CHRNA9: variants seen among roughly 807,000 people sequenced by gnomAD.
The protein encoded by CHRNA9 is cholinergic receptor nicotinic alpha 9 subunit, also known as neuronal acetylcholine receptor subunit alpha-9.
A neutral mutation model predicts 36.8 loss-of-function variants in CHRNA9; 24 were observed. The ratio of observed to expected loss-of-function variants is 0.65; its 90% CI spans 0.47 to 0.92. CHRNA9 has a LOEUF of 0.92. CHRNA9 is among the 40% of genes least tolerant of loss of function. The pLI is 0.00. For synonymous variants in CHRNA9, 231 were observed against 231.8 expected, an observed-to-expected ratio of 1.00 and a Z score of 0.03; for missense variants, 610 against 601.2, an observed-to-expected ratio of 1.01 and a Z score of -0.15.
At position 40,354,188 on chromosome 4, in the gene CHRNA9, C is replaced by T. The variant is rs915277618; in HGVS notation, c.1108C>T (p.Leu370Phe). 3.7e-6 allele frequency: 6 copies of T among 1,614,196 alleles called. No homozygotes were observed. The highest frequency in any genetic ancestry group is 4.2e-6 in the Non-Finnish European group (5 of 1,180,036). Reference sequence around the variant, plus strand: ...GCACCACAGTAGAGAGCGGGACCACCTCACGAAAGTTTATAGCAAACTCCC... The same window carrying T: ...GCACCACAGTAGAGAGCGGGACCACTTCACGAAAGTTTATAGCAAACTCCC... ...SPHHSRERDH[L>F]TKVYSKLPES... The change falls in exon 5 of 5, where the codon CTC becomes TTC. Residue 370 changes from leucine to phenylalanine, a missense_variant. Physicochemically the swap from Leu to Phe is conservative, Grantham distance 22. Transcript: ENST00000310169.
chr4:40,354,670 A>C lies in CHRNA9; in HGVS notation c.*150A>C. The C allele has an allele frequency of 1.4e-6, 1 of 699,530 alleles. No homozygotes were observed. The allele number at this position is 699,530 out of a possible 1,614,324, so 43.3% of individuals were successfully genotyped here. A position where few individuals can be genotyped will look rare whatever the true frequency, so the allele number is the denominator to read the frequency against. ...TTAGCTTCAAATGAATGTCGAAGCT[A>C]TCTGCTCTGTTAAATTAAGCAGAAG... On this transcript the variant is annotated 3_prime_UTR_variant, in exon 5 of 5. Transcript: ENST00000310169.
At chr4:40,352,403 T>A (rs1330957744) in intron 4 of CHRNA9, among the ~76,000 whole-genome samples, 1 of 152,112 alleles carries the variant, frequency 6.6e-6, no homozygotes, top group East Asian at 1.9e-4. Flanking sequence ...TTTTATATTT[T>A]TAGTAGAGAC....
At chr4:40,336,343 C>T (rs931676028) in intron 2 of CHRNA9, among the ~76,000 whole-genome samples, 5 of 152,124 alleles carry the variant, frequency 3.3e-5, no homozygotes, top group South Asian at 2.1e-4. Context: ...TTAATGATTA[C>T]GGCGTTTCTT....
At position 40,354,315 on chromosome 4, in the gene CHRNA9, A is replaced by G; in HGVS notation, c.1235A>G (p.Gln412Arg). The G allele has an allele frequency of 6.2e-7, 1 of 1,614,148 alleles. No homozygotes were observed. The highest frequency in any genetic ancestry group is 8.5e-7 in the Non-Finnish European group (1 of 1,179,978). Reference sequence around the variant, plus strand: ...CTGGGCTGCCAGGGTAAGAACCCTCAGGAGGCCGAGAGTTACTGTGCACAG... The same window carrying G: ...CTGGGCTGCCAGGGTAAGAACCCTCGGGAGGCCGAGAGTTACTGTGCACAG... ...NDLGCQGKNPQEAESYCAQYK... is the reference protein window; with the variant it reads ...NDLGCQGKNPREAESYCAQYK... The change falls in exon 5 of 5, where the codon CAG becomes CGG. Residue 412 changes from glutamine (Q) to arginine (R), a missense_variant. By Grantham distance (43) the Gln-to-Arg change is conservative. Transcript: ENST00000310169.
rs376664779 is a variant in CHRNA9, at chr4:40,337,359, T to G, written c.360T>G (p.Tyr120Ter). ...DLVWRPDIVL[Y>*]NKADDESSEP... ...TGTGGAGGCCAGACATCGTCTTATATAACAAGTAAGTGCAGCTCAGAACTG... is the reference window on the plus strand; with the variant it reads ...TGTGGAGGCCAGACATCGTCTTATAGAACAAGTAAGTGCAGCTCAGAACTG... The change falls in exon 3 of 5, where the codon TAT (tyrosine) becomes TAG (stop). Residue 120 changes from tyrosine (Y) to a stop codon, truncating the protein, a stop_gained. Coordinates refer to ENST00000310169, the MANE Select transcript of CHRNA9 (RefSeq NM_017581.4). LOFTEE classifies it high-confidence loss of function. 1 of 1,614,104 alleles carries G rather than the reference T, an allele frequency of 6.2e-7. No individual in the cohort carries two copies. Among genetic ancestry groups the G allele is most frequent in the Non-Finnish European group, 8.5e-7 (1 of 1,179,916 alleles).
At position 40,340,522 on chromosome 4, in the gene CHRNA9, T is replaced by G. The variant is rs186356713; in HGVS notation, c.365+3158T>G. Reference sequence around the variant, plus strand: ...TGGCTATTTCCCTGAGCTCAGTCCTTCTTGCTGAATCCCTGACTCTGTAGA... The same window carrying G: ...TGGCTATTTCCCTGAGCTCAGTCCTGCTTGCTGAATCCCTGACTCTGTAGA... On this transcript the variant is annotated intron_variant, in intron 3 of 4. Transcript: ENST00000310169. Among the ~76,000 whole-genome samples, 13 of 152,314 alleles carry G rather than the reference T, an allele frequency of 8.5e-5. No homozygotes were observed. In the East Asian group the frequency reaches 2.3e-3, roughly 27 times the overall value.
chr4:40,348,956 C>A lies in CHRNA9; in HGVS notation c.440C>A (p.Ala147Glu), dbSNP rs1712713927. The change falls in exon 4 of 5, where the codon GCA (alanine) becomes GAA (glutamate). Residue 147 changes from alanine (A) to glutamate (E), a missense_variant. Transcript: ENST00000310169. ...LRYDGLITWD[A>E]PAITKSSCVV... is the part of the protein sequence containing the mutation. ...TATGATGGGCTGATCACCTGGGATG[C>A]ACCGGCCATCACCAAAAGCTCCTGT... The A allele has an allele frequency of 6.2e-7, 1 of 1,614,192 alleles. No individual in the cohort carries two copies. Among genetic ancestry groups the A allele is most frequent in the East Asian group, 2.2e-5 (1 of 44,888 alleles).
intron 4 of CHRNA9, among the ~76,000 whole-genome samples, chr4:40,353,304 A>G (rs1006278971): frequency 7.9e-5 from 12 of 152,158 alleles, no homozygotes; most frequent in South Asian, 4.1e-4. Flanking sequence ...CAGCCTGGCC[A>G]AGATGGCGAA....
intron 3 of CHRNA9, among the ~76,000 whole-genome samples, chr4:40,339,073 T>C (rs1421237962): frequency 6.7e-6 from 1 of 150,034 alleles, no homozygotes; most frequent in Non-Finnish European, 1.5e-5. Flanking sequence ...AGGTCAGGAG[T>C]TCGAGAACAG....
rs144004481 is a variant in CHRNA9, at chr4:40,337,357, T to C, written c.358T>C (p.Tyr120His). 38 of 1,613,966 alleles carry C rather than the reference T, an allele frequency of 2.4e-5. No individual in the cohort carries two copies. The highest frequency in any genetic ancestry group is 3.3e-5 in the Admixed American group (2 of 60,006). Residue 120 changes from tyrosine to histidine, a missense_variant, in exon 3 of 5, where the codon TAT (tyrosine) becomes CAT (histidine). Physicochemically the swap from Tyr to His is moderately conservative, Grantham distance 83 (BLOSUM62 2). Transcript: ENST00000310169. ...CGTGTGGAGGCCAGACATCGTCTTA[T>C]ATAACAAGTAAGTGCAGCTCAGAAC... ...DLVWRPDIVL[Y>H]NKADDESSEP...
rs148020566 is a variant in CHRNA9 at position 40,336,769 on chromosome 4, C to A, written c.211-441C>A. Among the ~76,000 whole-genome samples, 420 of 152,196 alleles carry A rather than the reference C, an allele frequency of 2.8e-3. 1 individual carries two copies. Among genetic ancestry groups the A allele is most frequent in the Admixed American group, 0.012 (177 of 15,284 alleles). ...TGCTGGGATTACAGGCATGAGCCAC[C>A]GCGCCCGGCCAATCTCAATTTTTTA... On this transcript the variant is annotated intron_variant, in intron 2 of 4. Transcript: ENST00000310169.
intron 4 of CHRNA9, 127 bp from the exon 5 acceptor site, chr4:40,353,852 C>A: frequency 1.2e-6 from 1 of 864,128 alleles, no homozygotes; most frequent in East Asian, 2.5e-5. Context: ...TTATGATGTT[C>A]ACACAACAGC....
At chr4:40,338,806 C>T (rs905134391) in intron 3 of CHRNA9, among the ~76,000 whole-genome samples, 1 of 152,032 alleles carries the variant, frequency 6.6e-6, no homozygotes, top group Non-Finnish European at 1.5e-5. Context: ...TTTATTCCTC[C>T]AGTTTACCCT....
At chr4:40,340,412 G>A (rs1192833734) in intron 3 of CHRNA9, among the ~76,000 whole-genome samples, 2 of 152,138 alleles carry the variant, frequency 1.3e-5, no homozygotes, top group Non-Finnish European at 2.9e-5. Flanking sequence ...TGGAGCTATG[G>A]TTGGATGACA....
chr4:40,337,721 C>T (rs1306089924), intron 3 of CHRNA9, among the ~76,000 whole-genome samples: 1 of 152,156 alleles, frequency 6.6e-6, no homozygotes, highest in Admixed American at 6.5e-5. Flanking sequence ...AAGGGGTTGA[C>T]AGCGTGGTTT....
chr4:40,336,336 A>G (rs1712318267), intron 2 of CHRNA9, among the ~76,000 whole-genome samples: 1 of 152,202 alleles, frequency 6.6e-6, no homozygotes, highest in African/African-American at 2.4e-5. Context: ...TGAGTTCTTA[A>G]TGATTACGGC....
chr4:40,354,374 G>T lies in CHRNA9; in HGVS notation c.1294G>T (p.Ala432Ser), dbSNP rs142807401. The part of the protein sequence containing the change: ...KVLTRNIEYI[A>S]KCLKDHKATN... ...GCTGACGAGGAATATTGAGTACATC[G>T]CCAAGTGCCTCAAAGACCACAAGGC... The change falls in exon 5 of 5, where the codon GCC becomes TCC. Residue 432 changes from alanine (A) to serine (S), a missense_variant. Coordinates refer to ENST00000310169, the MANE Select transcript of CHRNA9 (RefSeq NM_017581.4). 1.4e-5 allele frequency: 22 copies of T among 1,614,174 alleles called. No individual in the cohort carries two copies. In the African/African-American group the frequency reaches 2.9e-4, roughly 22 times the overall value.
At chr4:40,345,058 G>T (rs4547831) in intron 3 of CHRNA9, among the ~76,000 whole-genome samples, 68,044 of 151,936 alleles carry the variant, frequency 0.45, 16,775 homozygotes, top group East Asian at 0.82. Flanking sequence ...TTGATTGGTG[G>T]AGTGGGAGTG....
chr4:40,354,710 G>A lies in CHRNA9; in HGVS notation c.*190G>A. 1.8e-6 allele frequency: 1 copy of A among 555,122 alleles called. No individual in the cohort carries two copies. The highest frequency in any genetic ancestry group is 3.1e-6 in the Non-Finnish European group (1 of 318,100). The allele number at this position is 555,122 out of a possible 1,614,324, so 34.4% of individuals were successfully genotyped here. A position where few individuals can be genotyped will look rare whatever the true frequency, so the allele number is the denominator to read the frequency against. On this transcript the variant is annotated 3_prime_UTR_variant, in exon 5 of 5. Transcript: ENST00000310169. ...TTAAGCAGAAGAACCAAAATTTCAA[G>A]GGTAGGAAGATGGAAGAAATAGGGA...
Sources: gnomAD v4.1 joint callset for allele counts (sites outside exome capture counted in the v4.1 genomes callset) on GRCh38, gnomAD v4.1.1 for gene constraint, MANE v1.5 for transcripts, NCBI Gene and HGNC (gene_info 2026-07-23, HGNC 2026-07-21) for gene names.